The following GPATCH2 variants were observed in gnomAD, a reference collection of about 807,000 sequenced individuals.
The protein encoded by GPATCH2 is G patch domain-containing protein 2.
Under a neutral mutation model 58.0 loss-of-function variants are expected in GPATCH2, and 51 were observed. That is an observed-to-expected ratio of 0.88 (90% CI 0.70 to 1.11). The LOEUF (loss-of-function observed/expected upper bound fraction) is 1.11. GPATCH2 is among the 50% of genes most tolerant of loss of function. The pLI is 0.00. For synonymous variants in GPATCH2, 222 were observed against 218.5 expected (o/e 1.02, Z -0.14); for missense variants, 625 against 652.2 (o/e 0.96, Z 0.45).
At chr1:217,458,372 TTTC>T (rs1330567571) in intron 8 of GPATCH2, among the ~76,000 whole-genome samples, 1 of 152,206 alleles carries the variant, frequency 6.6e-6, no homozygotes, top group African/African-American at 2.4e-5. Flanking sequence ...CAGTTAAATA[TTTC>T]TTTTGTACTG....
At chr1:217,593,385 T>C (rs1022969153) in intron 5 of GPATCH2, among the ~76,000 whole-genome samples, 4 of 152,032 alleles carry the variant, frequency 2.6e-5, no homozygotes, top group African/African-American at 9.6e-5. Flanking sequence ...TTGTTATCCA[T>C]CTACAGTAAA....
At chr1:217,594,457 T>C (rs1667728031) in intron 5 of GPATCH2, among the ~76,000 whole-genome samples, 1 of 152,158 alleles carries the variant, frequency 6.6e-6, no homozygotes, top group Non-Finnish European at 1.5e-5. Flanking sequence ...TTATTAATGA[T>C]TCCAAATTAT....
chr1:217,484,765 A>T (rs1179802371), intron 8 of GPATCH2, among the ~76,000 whole-genome samples: 1 of 150,536 alleles, frequency 6.6e-6, no homozygotes, highest in Non-Finnish European at 1.5e-5. Flanking sequence ...GTATAGGTAT[A>T]TATAGGATGG....
chr1:217,572,511 A>G (rs766004705), intron 5 of GPATCH2, among the ~76,000 whole-genome samples: 21 of 152,212 alleles, frequency 1.4e-4, no homozygotes, highest in Admixed American at 1.1e-3. Flanking sequence ...CTGAACAACC[A>G]TTAATCATTA....
intron 5 of GPATCH2, chr1:217,609,810 C>A: frequency 9.1e-6 from 9 of 984,572 alleles, no homozygotes; most frequent in Non-Finnish European, 1.1e-5. Flanking sequence ...GAATACTTGT[C>A]GATCTGGAAG....
intron 5 of GPATCH2, among the ~76,000 whole-genome samples, chr1:217,570,428 A>T (rs1666479139): frequency 6.6e-6 from 1 of 152,164 alleles, no homozygotes; most frequent in African/African-American, 2.4e-5. Context: ...ATATGTATTT[A>T]AAAGGGATAT....
At chr1:217,525,299 G>A (rs190981408) in intron 5 of GPATCH2, among the ~76,000 whole-genome samples, 152 of 152,114 alleles carry the variant, frequency 1.0e-3, no homozygotes, top group Non-Finnish European at 1.6e-3. Flanking sequence ...ACACCACTGG[G>A]ATATGACACA....
chr1:217,456,871 C>G (rs887449709), intron 8 of GPATCH2, among the ~76,000 whole-genome samples: 2 of 152,036 alleles, frequency 1.3e-5, no homozygotes, highest in African/African-American at 4.8e-5. Context: ...GTGCGCTAAA[C>G]TAAAATATCC....
At chr1:217,584,373 A>G (rs1667239526) in intron 5 of GPATCH2, among the ~76,000 whole-genome samples, 1 of 141,986 alleles carries the variant, frequency 7.0e-6, no homozygotes, top group African/African-American at 2.6e-5. Flanking sequence ...ATACACACAC[A>G]CAAAAATTAG....
chr1:217,567,940 C>T (rs1297900171), intron 5 of GPATCH2, among the ~76,000 whole-genome samples: 2 of 152,102 alleles, frequency 1.3e-5, no homozygotes, highest in Non-Finnish European at 2.9e-5. Context: ...CATGGTGAAA[C>T]CCCGTCTCCA....
chr1:217,482,052 TGA>T (rs146272478), intron 8 of GPATCH2, among the ~76,000 whole-genome samples: 4 of 149,966 alleles, frequency 2.7e-5, no homozygotes, highest in Admixed American at 6.7e-5. Flanking sequence ...ATAAGTAAAC[TGA>T]GAGAGAGAGA....
chr1:217,457,441 G>C (rs898893742), intron 8 of GPATCH2, among the ~76,000 whole-genome samples: 1 of 152,068 alleles, frequency 6.6e-6, no homozygotes, highest in African/African-American at 2.4e-5. Flanking sequence ...ATTTTAGCAC[G>C]TATATATTCA....
chr1:217,617,834 G>C (rs1422589475), intron 2 of GPATCH2, among the ~76,000 whole-genome samples: 2 of 152,072 alleles, frequency 1.3e-5, no homozygotes, highest in African/African-American at 4.8e-5. Context: ...TGGACTGCTA[G>C]GTAGCCTGTT....
At chr1:217,602,621 T>A (rs1558517192) in intron 5 of GPATCH2, among the ~76,000 whole-genome samples, 1 of 151,984 alleles carries the variant, frequency 6.6e-6, no homozygotes, top group Non-Finnish European at 1.5e-5. Flanking sequence ...GAGAACAAGC[T>A]GAAACAGAGC....
chr1:217,548,225 C>G (rs1406047680), intron 5 of GPATCH2, among the ~76,000 whole-genome samples: 1 of 151,976 alleles, frequency 6.6e-6, no homozygotes, highest in African/African-American at 2.4e-5. Context: ...CACATGGACA[C>G]ACAGAGAGGA....
intron 5 of GPATCH2, among the ~76,000 whole-genome samples, chr1:217,603,667 G>C (rs1253425201): frequency 6.6e-6 from 1 of 151,988 alleles, no homozygotes; most frequent in Non-Finnish European, 1.5e-5. Flanking sequence ...CTGTTGCCCA[G>C]ACTGGAGTCC....
intron 8 of GPATCH2, among the ~76,000 whole-genome samples, chr1:217,484,069 C>T (rs1242249320): frequency 1.3e-5 from 2 of 152,072 alleles, no homozygotes; most frequent in Non-Finnish European, 2.9e-5. Flanking sequence ...TTACTTTTAA[C>T]CAACATACCA....
intron 6 of GPATCH2, among the ~76,000 whole-genome samples, chr1:217,502,865 T>C (rs1662373279): frequency 6.6e-6 from 1 of 152,154 alleles, no homozygotes; most frequent in Admixed American, 6.6e-5. Flanking sequence ...TTCAGTTCCA[T>C]GCCCCACCCT....
At chr1:217,458,669 T>A in intron 8 of GPATCH2, among the ~76,000 whole-genome samples, 1 of 152,196 alleles carries the variant, frequency 6.6e-6, no homozygotes, top group East Asian at 1.9e-4. Context: ...CTAGCTACTT[T>A]AAGAAATTTT....
Sources: gnomAD v4.1 joint callset for allele counts (sites outside exome capture counted in the v4.1 genomes callset) on GRCh38, gnomAD v4.1.1 for gene constraint, MANE v1.5 for transcripts, NCBI Gene and HGNC (gene_info 2026-07-23, HGNC 2026-07-21) for gene names.